ANXA13: variants seen among roughly 807,000 people sequenced by gnomAD.
ANXA13 encodes annexin A13.
ANXA13 carries 36 observed loss-of-function variants against 46.6 expected under a neutral mutation model. That is an observed-to-expected ratio of 0.77 (90% CI 0.59 to 1.02). ANXA13 has a LOEUF of 1.02. Among genes scored for constraint, ANXA13 ranks in the 50% least tolerant of loss-of-function variants. The probability of loss-of-function intolerance (pLI) is 0.00; values close to 1 mark genes in which losing one functional copy is unlikely to be tolerated. For synonymous variants in ANXA13, 163 were observed against 152.9 expected, an observed-to-expected ratio of 1.07 and a Z score of -0.49; for missense variants, 417 against 396.5, an observed-to-expected ratio of 1.05 and a Z score of -0.44.
chr8:123,683,517 G>A (rs1813080246), intron 10 of ANXA13, among the ~76,000 whole-genome samples: 1 of 144,352 alleles, frequency 6.9e-6, no homozygotes, highest in African/African-American at 2.6e-5. Flanking sequence ...CCGATGAAAT[G>A]CCACTTCCCC....
intron 1 of ANXA13, among the ~76,000 whole-genome samples, chr8:123,727,423 A>G (rs1218030660): frequency 6.6e-6 from 1 of 152,084 alleles, no homozygotes; most frequent in African/African-American, 2.4e-5. Context: ...TGACATAAAG[A>G]CATTCTGAGG....
intron 1 of ANXA13, among the ~76,000 whole-genome samples, chr8:123,719,487 C>T (rs1285752150): frequency 6.6e-6 from 1 of 152,156 alleles, no homozygotes; most frequent in Non-Finnish European, 1.5e-5. Context: ...ATGTAAATGA[C>T]ACATGACAAT....
intron 1 of ANXA13, among the ~76,000 whole-genome samples, chr8:123,732,672 G>GTT (rs1299531790): frequency 2.1e-5 from 3 of 144,044 alleles, no homozygotes; most frequent in Non-Finnish European, 3.0e-5. Flanking sequence ...TGGCTGGTTT[G>GTT]TTTTTTTTTT....
intron 3 of ANXA13, among the ~76,000 whole-genome samples, chr8:123,700,866 A>T (rs1177791503): frequency 6.7e-6 from 1 of 150,338 alleles, no homozygotes; most frequent in Non-Finnish European, 1.5e-5. Context: ...TCTGTCACCC[A>T]GGCTGGAGTG....
intron 1 of ANXA13, among the ~76,000 whole-genome samples, chr8:123,720,657 CGTG>C (rs1813845935): frequency 7.1e-6 from 1 of 141,436 alleles, no homozygotes; most frequent in Non-Finnish European, 1.5e-5. Flanking sequence ...CCTGTGTCCC[CGTG>C]TGTGTGTGTG....
chr8:123,736,723 A>G (rs548369459), intron 1 of ANXA13, among the ~76,000 whole-genome samples: 1 of 152,286 alleles, frequency 6.6e-6, no homozygotes, highest in South Asian at 2.1e-4. Flanking sequence ...TATACATTCT[A>G]CAGATACATA....
intron 4 of ANXA13, 138 bp downstream of exon 4, chr8:123,698,251 G>A (rs545667810): frequency 4.9e-5 from 43 of 878,286 alleles, no homozygotes; most frequent in Non-Finnish European, 6.5e-5. Context: ...CCTCCCACAT[G>A]GACCAAGCAC....
At chr8:123,714,438 A>G (rs182449275) in intron 1 of ANXA13, among the ~76,000 whole-genome samples, 2 of 152,298 alleles carry the variant, frequency 1.3e-5, no homozygotes, top group African/African-American at 4.8e-5. Context: ...CTTAGTGCCC[A>G]TTTTGTCCAC....
At chr8:123,708,612 G>T (rs1486786736) in intron 2 of ANXA13, among the ~76,000 whole-genome samples, 2 of 152,236 alleles carry the variant, frequency 1.3e-5, no homozygotes, top group Non-Finnish European at 2.9e-5. Context: ...AGTCCTGCCT[G>T]CCTGAGCAAG....
chr8:123,681,145 G>A lies in ANXA13; in HGVS notation c.*95C>T. 2 of 1,471,008 alleles carry A rather than the reference G, an allele frequency of 1.4e-6. No individual in the cohort carries two copies. Among genetic ancestry groups the A allele is most frequent in the Non-Finnish European group, 1.8e-6 (2 of 1,098,078 alleles). The allele number at this position is 1,471,008 out of a possible 1,614,324, so 91.1% of individuals were successfully genotyped here. ...CAAGAAAGTAATCCGGGACTCTTAA[G>A]GGTTTTCGTGCGGGAGTCTCATTTG... is the stretch of plus-strand genomic sequence containing the variant. On this transcript the variant is annotated 3_prime_UTR_variant, in exon 11 of 11. Transcript: ENST00000419625.
At chr8:123,733,567 A>C (rs1277918504) in intron 1 of ANXA13, among the ~76,000 whole-genome samples, 1 of 152,234 alleles carries the variant, frequency 6.6e-6, no homozygotes, top group Non-Finnish European at 1.5e-5. Flanking sequence ...TGGCACAAGC[A>C]AGTCATAAAC....
chr8:123,723,157 A>T (rs1473041114), intron 1 of ANXA13, among the ~76,000 whole-genome samples: 1 of 152,144 alleles, frequency 6.6e-6, no homozygotes, highest in African/African-American at 2.4e-5. Flanking sequence ...GAGTTGTTTG[A>T]TTCCCAAGGG....
intron 1 of ANXA13, among the ~76,000 whole-genome samples, chr8:123,720,699 A>T (rs533566579): frequency 0.016 from 1,497 of 92,006 alleles, 16 homozygotes; most frequent in Non-Finnish European, 0.022. Flanking sequence ...TGTGTGTGTG[A>T]GTTAAGAACA....
chr8:123,727,731 T>A (rs890799628), intron 1 of ANXA13: 2 of 142,882 alleles, frequency 1.4e-5, no homozygotes, highest in African/African-American at 2.6e-5. Flanking sequence ...CCTGGCTGAA[T>A]GGTTGTAACG....
At chr8:123,707,690 T>TGTCAGGGG (rs1482113109) in intron 2 of ANXA13, among the ~76,000 whole-genome samples, 1 of 151,514 alleles carries the variant, frequency 6.6e-6, no homozygotes, top group Non-Finnish European at 1.5e-5. Flanking sequence ...CACCAGGGCC[T>TGTCAGGGG]GTCAGGGGGT....
At chr8:123,719,321 C>T (rs1000055906) in intron 1 of ANXA13, among the ~76,000 whole-genome samples, 4 of 152,170 alleles carry the variant, frequency 2.6e-5, no homozygotes, top group Non-Finnish European at 5.9e-5. Flanking sequence ...CTCTCTTTCT[C>T]TTTCTCTTTT....
intron 2 of ANXA13, among the ~76,000 whole-genome samples, chr8:123,707,639 G>T (rs927373615): frequency 6.6e-6 from 1 of 152,062 alleles, no homozygotes. Flanking sequence ...AGTGAGAGTT[G>T]AACAATGAGA....
chr8:123,695,564 C>T lies in ANXA13; in HGVS notation c.409G>A (p.Glu137Lys), dbSNP rs774864225. The change falls in exon 6 of 11, where the codon GAA becomes AAA. Residue 137 changes from glutamate (E) to lysine (K), a missense_variant. Glu to Lys is a moderately conservative substitution (Grantham distance 56). Coordinates refer to ENST00000419625, the MANE Select transcript of ANXA13 (RefSeq NM_004306.4). ...AYQRLFDRSLESDVKGDTSGN... is the reference protein window; with the variant it reads ...AYQRLFDRSLKSDVKGDTSGN... ...CTTGTATCACCTTTGACATCTGATT[C>T]GAGGCTCCTATCAAATACTTCGAAG... The T allele has an allele frequency of 5.0e-5, 81 of 1,613,804 alleles. No homozygotes were observed. Among genetic ancestry groups the T allele is most frequent in the African/African-American group, 8.0e-5 (6 of 74,864 alleles).
chr8:123,690,207 T>A lies in ANXA13; in HGVS notation c.643-1261A>T, dbSNP rs1366360085. Among the ~76,000 whole-genome samples the A allele has an allele frequency of 1.6e-4, 24 of 152,246 alleles. No individual in the cohort carries two copies. The highest frequency in any genetic ancestry group is 1.6e-3 in the Admixed American group (24 of 15,290). ...TGAGATCATACTTCAAGAGAACATT[T>A]TGTTCACACAGGTCTTGTTTACTTT... On this transcript the variant is annotated intron_variant, in intron 8 of 10. Coordinates refer to ENST00000419625, the MANE Select transcript of ANXA13 (RefSeq NM_004306.4). The surrounding 1 kb of genome is among the most constrained non-coding windows in gnomAD (Gnocchi z 4.6).
Sources: allele counts gnomAD v4.1 joint callset (sites outside exome capture counted in the v4.1 genomes callset), GRCh38; gene constraint gnomAD v4.1.1; non-coding constraint Gnocchi (gnomAD v3.1); transcripts MANE v1.5; gene names NCBI Gene and HGNC (gene_info 2026-07-23, HGNC 2026-07-21).